CTNNA3: variants seen among roughly 807,000 people sequenced by gnomAD.
The protein encoded by CTNNA3 is catenin alpha 3.
Under a neutral mutation model 95.7 loss-of-function variants are expected in CTNNA3, and 76 were observed. The ratio of observed to expected loss-of-function variants is 0.79; its 90% CI spans 0.66 to 0.96. The LOEUF (loss-of-function observed/expected upper bound fraction) is 0.96, where lower values mean the gene tolerates loss of function less well. Ranked by LOEUF, CTNNA3 falls within the 40% of genes least tolerant of loss-of-function variation. The probability of loss-of-function intolerance (pLI) is 0.00; values close to 1 mark genes in which losing one functional copy is unlikely to be tolerated. For missense variants in CTNNA3, 1,191 were observed against 1,089.8 expected (o/e 1.09, Z -1.31); for synonymous variants, 431 against 374.4 (o/e 1.15, Z -1.74).
chr10:66,154,753 A>AT (rs1554870383), intron 13 of CTNNA3, among the ~76,000 whole-genome samples: 1 of 28,036 alleles, frequency 3.6e-5, no homozygotes, highest in African/African-American at 1.4e-4. Flanking sequence ...TCCCTTGAAC[A>AT]ATTTATATGA....
intron 2 of CTNNA3, among the ~76,000 whole-genome samples, chr10:67,626,649 C>T (rs1272179512): frequency 6.6e-6 from 1 of 152,146 alleles, no homozygotes; most frequent in Non-Finnish European, 1.5e-5. Context: ...CTCTGTTTTC[C>T]TCATGGAGAC....
intron 11 of CTNNA3, among the ~76,000 whole-genome samples, chr10:66,472,510 T>C (rs1839173634): frequency 6.6e-6 from 1 of 151,984 alleles, no homozygotes; most frequent in Non-Finnish European, 1.5e-5. Flanking sequence ...AGATTTTTTA[T>C]TGAGTAGCAC....
At chr10:66,329,490 C>T (rs1335062333) in intron 12 of CTNNA3, among the ~76,000 whole-genome samples, 1 of 151,752 alleles carries the variant, frequency 6.6e-6, no homozygotes, top group Non-Finnish European at 1.5e-5. Context: ...CTGTCACAGT[C>T]TATAATGGAG....
intron 13 of CTNNA3, among the ~76,000 whole-genome samples, chr10:66,174,682 G>C (rs998461382): frequency 1.3e-5 from 2 of 151,898 alleles, no homozygotes; most frequent in African/African-American, 4.8e-5. Flanking sequence ...TGAATATACA[G>C]GTTCTGCAGA....
intron 11 of CTNNA3, among the ~76,000 whole-genome samples, chr10:66,507,997 C>T (rs1055086628): frequency 5.3e-5 from 8 of 152,028 alleles, no homozygotes; most frequent in African/African-American, 1.9e-4. Context: ...TCCCCTTACT[C>T]CACATCCTTG....
At chr10:66,034,794 G>A (rs1005725505) in intron 15 of CTNNA3, among the ~76,000 whole-genome samples, 20 of 152,196 alleles carry the variant, frequency 1.3e-4, no homozygotes, top group Middle Eastern at 3.4e-3. Flanking sequence ...GACACCACCC[G>A]TAAGCAAAAC....
intron 1 of CTNNA3, among the ~76,000 whole-genome samples, chr10:67,749,117 ATGC>A (rs1841388814): frequency 6.6e-6 from 1 of 152,192 alleles, no homozygotes; most frequent in Non-Finnish European, 1.5e-5. Flanking sequence ...CTAAATATAT[ATGC>A]ACCCTATTTA....
chr10:66,237,764 A>C (rs1281168743), intron 13 of CTNNA3, among the ~76,000 whole-genome samples: 1 of 152,114 alleles, frequency 6.6e-6, no homozygotes, highest in Non-Finnish European at 1.5e-5. Context: ...ATTGCACAGC[A>C]CATTAGTCAA....
chr10:66,706,842 T>C (rs1045543830), intron 9 of CTNNA3, among the ~76,000 whole-genome samples: 4 of 151,782 alleles, frequency 2.6e-5, no homozygotes, highest in African/African-American at 4.8e-5. Context: ...AGGAAAAAAA[T>C]ATTTGAAGCC....
rs144693859 is a variant in CTNNA3, at chr10:67,174,231, G to A, written c.1047+6086C>T. On this transcript the variant is annotated intron_variant, in intron 7 of 17. Coordinates refer to ENST00000433211, the MANE Select transcript of CTNNA3 (RefSeq NM_013266.4). Reference sequence around the variant, plus strand: ...TATTTCAGCTTTTCTTACTAGTTCCGCAATCACATAGCTTGCATTTCTGTA... The same window carrying A: ...TATTTCAGCTTTTCTTACTAGTTCCACAATCACATAGCTTGCATTTCTGTA... Among the ~76,000 whole-genome samples the A allele has an allele frequency of 4.9e-3, 746 of 152,112 alleles. 4 individuals are homozygous for A. The highest frequency in any genetic ancestry group is 0.016 in the African/African-American group (682 of 41,474).
At chr10:66,128,267 T>C (rs1220894151) in intron 13 of CTNNA3, among the ~76,000 whole-genome samples, 1 of 152,006 alleles carries the variant, frequency 6.6e-6, no homozygotes, top group Non-Finnish European at 1.5e-5. Context: ...TATTTAAAAA[T>C]AAATTTGGAA....
At chr10:67,636,892 G>C (rs1839334428) in intron 2 of CTNNA3, among the ~76,000 whole-genome samples, 1 of 152,124 alleles carries the variant, frequency 6.6e-6, no homozygotes, top group African/African-American at 2.4e-5. Flanking sequence ...ACCAAAGGTA[G>C]ATAAAACCAC....
chr10:67,034,672 C>T (rs1217004550), intron 7 of CTNNA3, among the ~76,000 whole-genome samples: 1 of 152,188 alleles, frequency 6.6e-6, no homozygotes, highest in East Asian at 1.9e-4. Flanking sequence ...TAATCTTTCT[C>T]AAACGAACTT....
At chr10:67,022,550 A>C (rs1853090298) in intron 7 of CTNNA3, among the ~76,000 whole-genome samples, 1 of 152,214 alleles carries the variant, frequency 6.6e-6, no homozygotes, top group African/African-American at 2.4e-5. Flanking sequence ...TATGCCTTCA[A>C]AAAAGTGAAT....
intron 5 of CTNNA3, among the ~76,000 whole-genome samples, chr10:67,390,871 A>T (rs1365634063): frequency 6.8e-6 from 1 of 147,058 alleles, no homozygotes; most frequent in Non-Finnish European, 1.5e-5. Context: ...CATGCTAAAA[A>T]CTCTCAATAA....
chr10:67,176,571 T>C (rs1451385864), intron 7 of CTNNA3, among the ~76,000 whole-genome samples: 2 of 152,180 alleles, frequency 1.3e-5, no homozygotes, highest in Non-Finnish European at 2.9e-5. Flanking sequence ...TATAATGTTG[T>C]GAGTCTCCCA....
At chr10:67,401,425 A>C (rs977495437) in intron 5 of CTNNA3, among the ~76,000 whole-genome samples, 2 of 152,194 alleles carry the variant, frequency 1.3e-5, no homozygotes, top group South Asian at 4.1e-4. Flanking sequence ...CCAAACATGG[A>C]TTGAGAAAAG....
rs554138705 is a variant in CTNNA3 at position 66,143,286 on chromosome 10, G to T, written c.1885-40037C>A. ...GATATTATGATACCAAGCAATAGCC[G>T]CTGAAATAGAAAGGAGTATACTTTA... On this transcript the variant is annotated intron_variant, in intron 13 of 17. Coordinates refer to ENST00000433211, the MANE Select transcript of CTNNA3 (RefSeq NM_013266.4). Among the ~76,000 whole-genome samples the T allele has an allele frequency of 5.7e-4, 86 of 152,162 alleles. 1 individual carries two copies. Among genetic ancestry groups the T allele is most frequent in the African/African-American group, 2.0e-3 (83 of 41,548 alleles).
intron 7 of CTNNA3, among the ~76,000 whole-genome samples, chr10:67,004,651 T>TG (rs1236980004): frequency 6.6e-6 from 1 of 152,230 alleles, no homozygotes; most frequent in Non-Finnish European, 1.5e-5. Flanking sequence ...CTGATGGCAT[T>TG]GGCAAGTAGT....
Sources: gnomAD v4.1 joint callset for allele counts (sites outside exome capture counted in the v4.1 genomes callset) on GRCh38, gnomAD v4.1.1 for gene constraint, MANE v1.5 for transcripts, NCBI Gene and HGNC (gene_info 2026-07-23, HGNC 2026-07-21) for gene names.